OIP5: variants seen among roughly 807,000 people sequenced by gnomAD.
OIP5 encodes the protein Opa interacting protein 5, also known as protein Mis18-beta.
Under a neutral mutation model 20.3 loss-of-function variants are expected in OIP5, and 24 were observed. That is an observed-to-expected ratio of 1.18 (90% CI 0.86 to 1.66). OIP5 has a LOEUF of 1.66. Among genes scored for constraint, OIP5 ranks in the 40% most tolerant of loss-of-function variants. OIP5 has a pLI of 0.00. For missense variants in OIP5, 339 were observed against 289.5 expected (o/e 1.17, Z -1.24); for synonymous variants, 143 against 121.3 (o/e 1.18, Z -1.17).
At chr15:41,324,526 G>A (rs568867691) in intron 2 of OIP5, among the ~76,000 whole-genome samples, 2 of 152,052 alleles carry the variant, frequency 1.3e-5, no homozygotes, top group Non-Finnish European at 2.9e-5. Flanking sequence ...TTTCGCTCTT[G>A]TTGCCCAAGG....
At chr15:41,320,137 TCA>T (rs1222510720) in intron 2 of OIP5, among the ~76,000 whole-genome samples, 1 of 152,196 alleles carries the variant, frequency 6.6e-6, no homozygotes, top group African/African-American at 2.4e-5. Flanking sequence ...TTATATAAAT[TCA>T]CAGTTGTTGA....
In OIP5 at chr15:41,332,587, C is replaced by G. The variant is rs374695010; in HGVS notation, c.-26G>C. 1.5e-5 allele frequency: 23 copies of G among 1,579,580 alleles called. No homozygotes were observed. Among genetic ancestry groups the G allele is most frequent in the Non-Finnish European group, 1.7e-5 (20 of 1,163,786 alleles). ...CTTCCCGCAGCCGGCGCCTTCCTTT[C>G]GAATACACGCCAGGCCCCGCCCCAA... On this transcript the variant is annotated 5_prime_UTR_variant, in exon 1 of 5. Coordinates refer to ENST00000220514, the MANE Select transcript of OIP5 (RefSeq NM_007280.2).
At chr15:41,313,252 A>T in intron 4 of OIP5, 21 bp downstream of exon 4, 3 of 1,454,760 alleles carry the variant, frequency 2.1e-6, no homozygotes, top group Non-Finnish European at 2.9e-6. Flanking sequence ...AAAAAAGCAT[A>T]CAACCATCAT....
At chr15:41,321,948 T>G (rs1056289888) in intron 2 of OIP5, among the ~76,000 whole-genome samples, 10 of 132,300 alleles carry the variant, frequency 7.6e-5, no homozygotes, top group Non-Finnish European at 1.1e-4. Context: ...AATAAATAAA[T>G]AAAAAAGAAA....
In OIP5 at chr15:41,332,245, A is replaced by C. The variant is rs756963825; in HGVS notation, c.317T>G (p.Phe106Cys). The C allele has an allele frequency of 6.5e-7, 1 of 1,543,754 alleles. No individual in the cohort carries two copies. Among genetic ancestry groups the C allele is most frequent in the Admixed American group, 2.0e-5 (1 of 48,938 alleles). ...DLSRSLGAVV[F>C]SRVTNNVVLE... ...GAACGCTTCACTGCACTCACTGGAG[A>C]AGACCACGGCCCCGAGGGACCGCGA... The change falls in exon 1 of 5, where the codon TTC becomes TGC. Residue 106 changes from phenylalanine to cysteine, a missense_variant. Transcript: ENST00000220514.
intron 3 of OIP5, among the ~76,000 whole-genome samples, chr15:41,318,878 A>G (rs1326919839): frequency 6.6e-6 from 1 of 151,406 alleles, no homozygotes. Flanking sequence ...AAAATTTTGT[A>G]TAAAAAAAAA....
intron 3 of OIP5, among the ~76,000 whole-genome samples, chr15:41,318,124 G>C (rs2047799307): frequency 6.6e-6 from 1 of 152,080 alleles, no homozygotes; most frequent in African/African-American, 2.4e-5. Flanking sequence ...ACATTATTTT[G>C]CAAAAGCTTG....
chr15:41,319,539 C>T (rs1250549136), intron 3 of OIP5, 119 bp downstream of exon 3: 2 of 994,248 alleles, frequency 2.0e-6, no homozygotes, highest in African/African-American at 3.3e-5. Context: ...CAGGCATAAG[C>T]CACTGTGCTC....
chr15:41,326,937 A>G (rs749545442), intron 2 of OIP5, among the ~76,000 whole-genome samples: 1 of 152,166 alleles, frequency 6.6e-6, no homozygotes, highest in Non-Finnish European at 1.5e-5. Flanking sequence ...CCATATCCTT[A>G]TCAGTAGAAT....
chr15:41,329,598 G>A (rs1408664122), intron 2 of OIP5, among the ~76,000 whole-genome samples: 1 of 152,040 alleles, frequency 6.6e-6, no homozygotes, highest in Non-Finnish European at 1.5e-5. Flanking sequence ...ATAGGTGTAA[G>A]CCACTGCACC....
At position 41,332,551 on chromosome 15, in the gene OIP5, T is replaced by G; in HGVS notation, c.11A>C (p.Gln4Pro). 1.2e-6 allele frequency: 2 copies of G among 1,602,144 alleles called. No homozygotes were observed. Among genetic ancestry groups the G allele is most frequent in the Non-Finnish European group, 1.7e-6 (2 of 1,174,794 alleles). The change falls in exon 1 of 5, where the codon CAG becomes CCG. Residue 4 changes from glutamine (Q) to proline (P), a missense_variant. Transcript: ENST00000220514. MAA[Q>P]PLRHRSRCAT... ...ACAACGTGAGCGATGCCGCAGCGGC[T>G]GAGCCGCCATCTTCCCGCAGCCGGC...
intron 3 of OIP5, among the ~76,000 whole-genome samples, chr15:41,316,617 C>T (rs577691036): frequency 2.1e-4 from 32 of 151,798 alleles, no homozygotes; most frequent in African/African-American, 7.2e-4. Flanking sequence ...AGTGAAACCC[C>T]GTCTCTACTA....
At chr15:41,309,955 C>T in intron 4 of OIP5, 106 bp from the exon 5 acceptor site, 1 of 673,618 alleles carries the variant, frequency 1.5e-6, no homozygotes, top group Non-Finnish European at 2.5e-6. Context: ...GTGGCACATT[C>T]ATAGTTCACT....
intron 2 of OIP5, among the ~76,000 whole-genome samples, chr15:41,329,733 G>A (rs1015244682): frequency 3.3e-5 from 5 of 151,004 alleles, no homozygotes; most frequent in South Asian, 2.1e-4. Context: ...GAAGAGTCTC[G>A]CTCTGTTGCC....
intron 1 of OIP5, 122 bp from the exon 2 acceptor site, chr15:41,332,103 C>G: frequency 7.5e-7 from 1 of 1,340,926 alleles, no homozygotes; most frequent in Non-Finnish European, 1.1e-6. Context: ...CTGCCCCATC[C>G]CCAGGCCAAG....
chr15:41,319,204 C>T (rs942954512), intron 3 of OIP5, among the ~76,000 whole-genome samples: 1 of 151,646 alleles, frequency 6.6e-6, no homozygotes, highest in African/African-American at 2.4e-5. Flanking sequence ...TCCCAAGTAG[C>T]TGGGATTACA....
At position 41,309,669 on chromosome 15, in the gene OIP5, A is replaced by G. The variant is rs530171073; in HGVS notation, c.*85T>C. 24 of 861,942 alleles carry G rather than the reference A, an allele frequency of 2.8e-5. No homozygotes were observed. Among genetic ancestry groups the G allele is most frequent in the African/African-American group, 1.6e-4 (9 of 58,002 alleles). 53.4% of individuals were successfully genotyped at this position (861,942 alleles called of 1,614,324 possible). ...CATTTCCCCTCCATTCTTGAAGCCA[A>G]TCTTTTTCAAGAAATGACTAAGCAG... On this transcript the variant is annotated 3_prime_UTR_variant, in exon 5 of 5. Coordinates refer to ENST00000220514, the MANE Select transcript of OIP5 (RefSeq NM_007280.2).
At chr15:41,314,651 A>C (rs1318459787) in intron 3 of OIP5, among the ~76,000 whole-genome samples, 2 of 142,254 alleles carry the variant, frequency 1.4e-5, no homozygotes, top group African/African-American at 5.2e-5. Flanking sequence ...TTTTTTTTTG[A>C]GACAGAGTCT....
intron 4 of OIP5, among the ~76,000 whole-genome samples, chr15:41,311,571 T>C (rs565103665): frequency 7.2e-5 from 11 of 152,142 alleles, no homozygotes; most frequent in African/African-American, 2.7e-4. Flanking sequence ...ATACCAATTA[T>C]TATTATTATT....
Sources: gnomAD v4.1 joint callset for allele counts (sites outside exome capture counted in the v4.1 genomes callset) on GRCh38, gnomAD v4.1.1 for gene constraint, MANE v1.5 for transcripts, NCBI Gene and HGNC (gene_info 2026-07-23, HGNC 2026-07-21) for gene names.